The following UNC5D variants were observed in gnomAD, a reference collection of about 807,000 sequenced individuals.
UNC5D encodes the protein unc-5 netrin receptor D.
In UNC5D, 39 loss-of-function variants were observed where a neutral mutation model predicts 105.4. The observed-to-expected ratio is 0.37, with a 90% CI of 0.29 to 0.48. UNC5D has a LOEUF of 0.48. Ranked by LOEUF, UNC5D falls within the 20% of genes least tolerant of loss-of-function variation. The pLI is 0.98. For synonymous variants in UNC5D, 452 were observed against 450.4 expected (o/e 1.00, Z -0.04); for missense variants, 991 against 1,202.4 (o/e 0.82, Z 2.60).
chr8:35,750,092 T>C lies in UNC5D; in HGVS notation c.1936-490T>C, dbSNP rs1427477824. On this transcript the variant is annotated intron_variant, in intron 12 of 16. Coordinates refer to ENST00000404895, the MANE Select transcript of UNC5D (RefSeq NM_080872.4). ...ACTTTCCAAGTGATTTTTGTTATTA[T>C]AACCAATGAAGTAGAAATTCCAACA... 2.0e-5 allele frequency among the ~76,000 whole-genome samples: 3 copies of C among 152,108 alleles called. No individual in the cohort carries two copies. In the South Asian group the frequency reaches 6.2e-4, roughly 31 times the overall value.
intron 4 of UNC5D, among the ~76,000 whole-genome samples, chr8:35,603,561 A>G (rs368627597): frequency 0.093 from 14,174 of 151,726 alleles, 670 homozygotes; most frequent in Middle Eastern, 0.11. Context: ...TATTAGGTCC[A>G]CTTGGTGCAG....
At chr8:35,636,480 C>T (rs1586305819) in intron 4 of UNC5D, among the ~76,000 whole-genome samples, 2 of 152,148 alleles carry the variant, frequency 1.3e-5, no homozygotes, top group Non-Finnish European at 2.9e-5. Context: ...TTTAGTTGTG[C>T]CAAACTGAAG....
At chr8:35,365,632 T>G (rs2128921342) in intron 1 of UNC5D, among the ~76,000 whole-genome samples, 2 of 120,948 alleles carry the variant, frequency 1.7e-5, no homozygotes, top group Admixed American at 9.0e-5. Flanking sequence ...CTGTGAAGGA[T>G]AACAGTTAAC....
intron 1 of UNC5D, among the ~76,000 whole-genome samples, chr8:35,527,147 G>C (rs1338089180): frequency 6.6e-6 from 1 of 151,478 alleles, no homozygotes; most frequent in African/African-American, 2.4e-5. Flanking sequence ...GTTCCAAACT[G>C]AGACTTTTAT....
At chr8:35,597,601 G>A (rs1273150859) in intron 4 of UNC5D, among the ~76,000 whole-genome samples, 2 of 152,054 alleles carry the variant, frequency 1.3e-5, no homozygotes, top group African/African-American at 2.4e-5. Flanking sequence ...GTTCTGTGCC[G>A]GGTCACTACC....
At chr8:35,248,738 A>G (rs1221959966) in intron 1 of UNC5D, among the ~76,000 whole-genome samples, 1 of 99,780 alleles carries the variant, frequency 1.0e-5, no homozygotes, top group Non-Finnish European at 1.7e-5. Context: ...AATATATAAT[A>G]TATATAAAAT....
chr8:35,246,350 C>T (rs764575342), intron 1 of UNC5D, among the ~76,000 whole-genome samples: 21 of 152,276 alleles, frequency 1.4e-4, no homozygotes, highest in Admixed American at 3.3e-4. Context: ...TTCATAATGA[C>T]GTTGGTAATC....
intron 1 of UNC5D, among the ~76,000 whole-genome samples, chr8:35,250,231 G>A (rs1208005194): frequency 6.6e-6 from 1 of 152,150 alleles, no homozygotes; most frequent in Non-Finnish European, 1.5e-5. Context: ...ACTTAAGTCA[G>A]AATCTCAGTG....
At chr8:35,398,185 T>C (rs1042970432) in intron 1 of UNC5D, among the ~76,000 whole-genome samples, 1 of 152,234 alleles carries the variant, frequency 6.6e-6, no homozygotes, top group East Asian at 1.9e-4. Flanking sequence ...AAAGGGGATG[T>C]TATTTATAAT....
At chr8:35,594,599 G>T (rs530039110) in intron 3 of UNC5D, among the ~76,000 whole-genome samples, 1 of 152,002 alleles carries the variant, frequency 6.6e-6, no homozygotes, top group African/African-American at 2.4e-5. Context: ...AATTACCCTC[G>T]TTCTGCAAGA....
chr8:35,294,395 C>A (rs987530514), intron 1 of UNC5D, among the ~76,000 whole-genome samples: 1 of 151,990 alleles, frequency 6.6e-6, no homozygotes, highest in South Asian at 2.1e-4. Flanking sequence ...TATCTGCTGC[C>A]TCTTAGTTGG....
intron 1 of UNC5D, among the ~76,000 whole-genome samples, chr8:35,415,465 C>A (rs2128961304): frequency 6.6e-6 from 1 of 152,156 alleles, no homozygotes; most frequent in African/African-American, 2.4e-5. Flanking sequence ...AAGATAAATT[C>A]TCCATCTCAC....
intron 1 of UNC5D, among the ~76,000 whole-genome samples, chr8:35,453,531 A>G (rs1033360499): frequency 9.2e-5 from 14 of 152,226 alleles, no homozygotes; most frequent in Non-Finnish European, 2.1e-4. Flanking sequence ...GCAGTAAGAG[A>G]TCAGCAAATC....
intron 1 of UNC5D, among the ~76,000 whole-genome samples, chr8:35,482,220 C>T (rs568826728): frequency 1.1e-4 from 17 of 152,272 alleles, no homozygotes; most frequent in African/African-American, 3.6e-4. Context: ...TTTTCTAAAT[C>T]GTTCCCTTAT....
intron 1 of UNC5D, among the ~76,000 whole-genome samples, chr8:35,284,952 C>T (rs957333310): frequency 6.6e-5 from 10 of 151,974 alleles, no homozygotes; most frequent in African/African-American, 2.2e-4. Context: ...CCTCTTTTGA[C>T]CTGGGGTGCT....
chr8:35,666,404 C>T (rs988186650), intron 4 of UNC5D, among the ~76,000 whole-genome samples: 9 of 150,396 alleles, frequency 6.0e-5, no homozygotes, highest in African/African-American at 2.0e-4. Context: ...AAATAAAAAA[C>T]GAAGGAGGGG....
At chr8:35,278,599 T>C (rs1384213697) in intron 1 of UNC5D, among the ~76,000 whole-genome samples, 3 of 151,928 alleles carry the variant, frequency 2.0e-5, no homozygotes, top group Non-Finnish European at 4.4e-5. Context: ...ATTTATTATT[T>C]TTAAAATAAA....
chr8:35,526,738 C>G (rs1216065070), intron 1 of UNC5D, among the ~76,000 whole-genome samples: 1 of 151,956 alleles, frequency 6.6e-6, no homozygotes, highest in African/African-American at 2.4e-5. Context: ...GGGATACATG[C>G]TTATCTCATA....
intron 1 of UNC5D, among the ~76,000 whole-genome samples, chr8:35,361,582 C>A (rs1801855553): frequency 6.6e-6 from 1 of 152,096 alleles, no homozygotes; most frequent in Non-Finnish European, 1.5e-5. Flanking sequence ...CTGTCATTGA[C>A]ACCAGTAGCA....
Sources: allele counts gnomAD v4.1 joint callset (sites outside exome capture counted in the v4.1 genomes callset), GRCh38; gene constraint gnomAD v4.1.1; transcripts MANE v1.5; gene names NCBI Gene and HGNC (gene_info 2026-07-23, HGNC 2026-07-21).